Variants in ADGRB3 observed in about 807,000 individuals in gnomAD.
ADGRB3 encodes the protein adhesion G protein-coupled receptor B3.
In ADGRB3, 37 loss-of-function variants were observed where a neutral mutation model predicts 193.4. The observed-to-expected ratio is 0.19, with a 90% CI of 0.15 to 0.25. The LOEUF is 0.25. Among genes scored for constraint, ADGRB3 ranks in the 10% least tolerant of loss-of-function variants. ADGRB3 has a pLI of 1.00. For synonymous variants in ADGRB3, 690 were observed against 644.2 expected (o/e 1.07, Z -1.08); for missense variants, 1,637 against 1,852.9 (o/e 0.88, Z 2.14).
chr6:69,009,104 G>T (rs1769857859), intron 11 of ADGRB3, among the ~76,000 whole-genome samples: 1 of 152,108 alleles, frequency 6.6e-6, no homozygotes, highest in South Asian at 2.1e-4. Context: ...AAATAGTTGA[G>T]TATTTACATG....
At chr6:68,822,471 A>T (rs891443543) in intron 3 of ADGRB3, among the ~76,000 whole-genome samples, 61 of 151,858 alleles carry the variant, frequency 4.0e-4, no homozygotes, top group African/African-American at 1.4e-3. Flanking sequence ...CTATTATTTT[A>T]TATATTTGAG....
At position 68,653,989 on chromosome 6, in the gene ADGRB3, G is replaced by A. The variant is rs556487762; in HGVS notation, c.757+14557G>A. Among the ~76,000 whole-genome samples, 5 of 151,756 alleles carry A rather than the reference G, an allele frequency of 3.3e-5. No individual in the cohort carries two copies. The East Asian group carries it at 7.8e-4, about 24-fold the overall frequency. On this transcript the variant is annotated intron_variant, in intron 3 of 31. Transcript: ENST00000370598. ...ATAATTTATAAATGTTGGTCTATAG[G>A]TTGGACATTGAAATAATTTGCACGG...
At chr6:69,069,598 G>A (rs1376049534) in intron 16 of ADGRB3, among the ~76,000 whole-genome samples, 2 of 125,548 alleles carry the variant, frequency 1.6e-5, no homozygotes, top group Non-Finnish European at 3.2e-5. Flanking sequence ...GGACGCAGTG[G>A]CAGATTACTG....
At chr6:69,340,533 A>G (rs1768952325) in intron 26 of ADGRB3, among the ~76,000 whole-genome samples, 1 of 152,170 alleles carries the variant, frequency 6.6e-6, no homozygotes, top group South Asian at 2.1e-4. Flanking sequence ...TATAAACCCT[A>G]TAGTTTTGCA....
At chr6:69,182,013 G>T (rs148685539) in intron 17 of ADGRB3, among the ~76,000 whole-genome samples, 1 of 152,036 alleles carries the variant, frequency 6.6e-6, no homozygotes, top group Non-Finnish European at 1.5e-5. Flanking sequence ...GTTGTTCATC[G>T]CAAAAATTGG....
intron 3 of ADGRB3, among the ~76,000 whole-genome samples, chr6:68,756,973 C>G (rs534003661): frequency 1.3e-5 from 2 of 152,244 alleles, no homozygotes; most frequent in African/African-American, 4.8e-5. Context: ...TTCACTTCCT[C>G]TAAATAGTGG....
At chr6:69,237,988 T>C (rs1766305747) in intron 19 of ADGRB3, among the ~76,000 whole-genome samples, 1 of 152,116 alleles carries the variant, frequency 6.6e-6, no homozygotes, top group Non-Finnish European at 1.5e-5. Flanking sequence ...TCTTTTTATA[T>C]TACAAAAACT....
chr6:68,778,317 T>C (rs1024558813), intron 3 of ADGRB3, among the ~76,000 whole-genome samples: 3 of 152,106 alleles, frequency 2.0e-5, no homozygotes, highest in African/African-American at 7.2e-5. Flanking sequence ...AAAAACTAGA[T>C]CTTTAAAATC....
intron 3 of ADGRB3, among the ~76,000 whole-genome samples, chr6:68,883,060 AT>A (rs973320365): frequency 6.6e-6 from 1 of 151,846 alleles, no homozygotes; most frequent in Non-Finnish European, 1.5e-5. Flanking sequence ...TTACCAGCTA[AT>A]TTTTTTGTAT....
At chr6:68,890,273 G>A (rs1766036165) in intron 3 of ADGRB3, among the ~76,000 whole-genome samples, 2 of 152,176 alleles carry the variant, frequency 1.3e-5, no homozygotes, top group South Asian at 4.1e-4. Context: ...ACAATCACTT[G>A]AGAATTTTAC....
chr6:69,361,466 T>A lies in ADGRB3; in HGVS notation c.4193T>A (p.Leu1398Gln). 1.2e-6 allele frequency: 2 copies of A among 1,612,692 alleles called. No homozygotes were observed. The highest frequency in any genetic ancestry group is 1.7e-6 in the Non-Finnish European group (2 of 1,179,054). The change falls in exon 29 of 32, where the codon CTA (leucine) becomes CAA (glutamine). Residue 1398 changes from leucine (L) to glutamine (Q), a missense_variant. Leu to Gln is a moderately radical substitution (Grantham distance 113, BLOSUM62 -2). Around this residue, in one of 7 missense-constraint regions of ADGRB3, gnomAD observed 368 missense variants for 367.4 expected, o/e 1.00. Transcript: ENST00000370598. ...TCTGAGTTGGATGATAATGCAGGAC[T>A]ATCAAGAAGTGAAACTGGATCAACG... ...MASELDDNAG[L>Q]SRSETGSTIS...
chr6:68,743,840 A>C (rs6916446), intron 3 of ADGRB3, among the ~76,000 whole-genome samples: 5,361 of 152,188 alleles, frequency 0.035, 295 homozygotes, highest in African/African-American at 0.12. Flanking sequence ...ATGTTAATTA[A>C]ATAACAGAAA....
chr6:69,388,635 T>C, intron 31 of ADGRB3, 68 bp from the exon 32 acceptor site: 1 of 1,450,724 alleles, frequency 6.9e-7, no homozygotes, highest in South Asian at 1.3e-5. Context: ...GCTCTCTTCC[T>C]GGAAACTTCA....
intron 3 of ADGRB3, among the ~76,000 whole-genome samples, chr6:68,895,835 A>AT (rs554542462): frequency 2.0e-5 from 3 of 151,778 alleles, no homozygotes; most frequent in South Asian, 2.1e-4. Flanking sequence ...GAAATAACTT[A>AT]TTTTTTTTAA....
rs778893152 is a variant in ADGRB3 at position 68,956,704 on chromosome 6, G to A, written c.1420G>A (p.Gly474Ser). ...TGGTTGTTCCAAGTCCTGTGATGGC[G>A]GCTGGGAAAGGCGAATAAGGACCTG... is the stretch of plus-strand genomic sequence containing the variant. ...WSGCSKSCDGGWERRIRTCQG... is the reference protein window; with the variant it reads ...WSGCSKSCDGSWERRIRTCQG... Residue 474 changes from glycine (G) to serine (S), a missense_variant, in exon 8 of 32, where the codon GGC (glycine) becomes AGC (serine). Around this residue, in one of 7 missense-constraint regions of ADGRB3, gnomAD observed 641 missense variants for 673.9 expected, o/e 0.95. Coordinates refer to ENST00000370598, the MANE Select transcript of ADGRB3 (RefSeq NM_001704.3). 6.8e-6 allele frequency: 11 copies of A among 1,614,012 alleles called. No homozygotes were observed. The East Asian group carries it at 1.3e-4, about 20-fold the overall frequency.
chr6:69,092,569 G>T (rs1772740464), intron 17 of ADGRB3, among the ~76,000 whole-genome samples: 1 of 152,286 alleles, frequency 6.6e-6, no homozygotes, highest in African/African-American at 2.4e-5. Flanking sequence ...GTGTGAAAAA[G>T]ATTTTGTGTG....
rs141635998 is a variant in ADGRB3 at position 69,127,742 on chromosome 6, G to A, written c.2480+51704G>A. 5.4e-3 allele frequency among the ~76,000 whole-genome samples: 814 copies of A among 152,122 alleles called. 3 individuals carry two copies. Among genetic ancestry groups the A allele is most frequent in the Non-Finnish European group, 7.5e-3 (511 of 68,000 alleles). On this transcript the variant is annotated intron_variant, in intron 17 of 31. Coordinates refer to ENST00000370598, the MANE Select transcript of ADGRB3 (RefSeq NM_001704.3). ...CTAACCTCTTATTTAGGTGTGATTC[G>A]TCTTTTAAAAAATTCTGGATATTGA...
chr6:68,973,510 A>G (rs1446683232), intron 8 of ADGRB3, among the ~76,000 whole-genome samples: 1 of 152,242 alleles, frequency 6.6e-6, no homozygotes, highest in Non-Finnish European at 1.5e-5. Context: ...GATGATTATC[A>G]TGGATTAAAT....
intron 6 of ADGRB3, among the ~76,000 whole-genome samples, chr6:68,952,678 A>G (rs1477504545): frequency 6.6e-6 from 1 of 152,184 alleles, no homozygotes; most frequent in Non-Finnish European, 1.5e-5. Context: ...TGCAAAAAAA[A>G]GTGCAATTAA....
Sources: allele counts gnomAD v4.1 joint callset (sites outside exome capture counted in the v4.1 genomes callset), GRCh38; gene constraint gnomAD v4.1.1; regional missense constraint gnomAD v4.1.1; transcripts MANE v1.5; gene names NCBI Gene and HGNC (gene_info 2026-07-23, HGNC 2026-07-21).